CACNA1A: variants seen among roughly 807,000 people sequenced by gnomAD.
CACNA1A encodes the protein calcium voltage-gated channel subunit alpha1 A, also known as voltage-dependent P/Q-type calcium channel subunit alpha-1A.
CACNA1A carries 57 observed loss-of-function variants against 262.4 expected under a neutral mutation model. The ratio of observed to expected loss-of-function variants is 0.22; its 90% confidence interval spans 0.18 to 0.27. The LOEUF (loss-of-function observed/expected upper bound fraction) is 0.27. CACNA1A is among the 10% of genes least tolerant of loss of function. CACNA1A has a pLI of 1.00. For synonymous variants in CACNA1A, 1,431 were observed against 1,419.3 expected, an observed-to-expected ratio of 1.01 and a Z score of -0.18; for missense variants, 2,526 against 3,562.8, an observed-to-expected ratio of 0.71 and a Z score of 7.41.
At chr19:13,311,826 G>C (rs754158241) in intron 12 of CACNA1A, among the ~76,000 whole-genome samples, 3 of 118,972 alleles carry the variant, frequency 2.5e-5, no homozygotes, top group Non-Finnish European at 5.3e-5. Flanking sequence ...GACAGAACGA[G>C]ACTCCATCTC....
At chr19:13,420,650 T>G (rs1164568804) in intron 3 of CACNA1A, among the ~76,000 whole-genome samples, 1 of 152,176 alleles carries the variant, frequency 6.6e-6, no homozygotes, top group Non-Finnish European at 1.5e-5. Context: ...GACACCTTGA[T>G]TTTAGGCTTC....
chr19:13,327,545 T>A (rs1442615698), intron 10 of CACNA1A, among the ~76,000 whole-genome samples: 2 of 150,136 alleles, frequency 1.3e-5, no homozygotes, highest in Non-Finnish European at 3.0e-5. Flanking sequence ...TTAAAAAAAT[T>A]AAAAATATAT....
intron 3 of CACNA1A, among the ~76,000 whole-genome samples, chr19:13,435,886 G>A (rs575615368): frequency 3.3e-5 from 5 of 152,066 alleles, no homozygotes; most frequent in African/African-American, 1.2e-4. Flanking sequence ...GTGCAGTGGC[G>A]CAGACTCAGC....
intron 10 of CACNA1A, among the ~76,000 whole-genome samples, chr19:13,329,410 T>C (rs1343383305): frequency 6.6e-6 from 1 of 152,140 alleles, no homozygotes; most frequent in African/African-American, 2.4e-5. Context: ...ACAGGTTTAT[T>C]TGTGTAATTC....
intron 1 of CACNA1A, among the ~76,000 whole-genome samples, chr19:13,456,388 T>C (rs1156889263): frequency 1.3e-5 from 2 of 152,062 alleles, no homozygotes; most frequent in South Asian, 4.1e-4. Flanking sequence ...AAAGAACATT[T>C]ACGGCCAGGT....
At chr19:13,255,301 G>A (rs2056516664) in intron 28 of CACNA1A, 42 bp from the exon 29 acceptor site, 3 of 1,532,562 alleles carry the variant, frequency 2.0e-6, no homozygotes, top group Non-Finnish European at 2.6e-6. Context: ...AGAGGCAGGA[G>A]GAAGGTGGCT....
chr19:13,244,935 A>G, intron 31 of CACNA1A: 1 of 541,054 alleles, frequency 1.8e-6, no homozygotes. Flanking sequence ...GCCAGGATGC[A>G]GGAAAGCCCA....
rs1014797310 is a variant in CACNA1A at position 13,259,439 on chromosome 19, T to G, written c.4388+125A>C. ...CATCTGCCTTGGCCTCCTAAAGTGT[T>G]GGGATTACAGGCGTGAGCCACCATG... On this transcript the variant is annotated intron_variant, in intron 27 of 46. Transcript: ENST00000360228. The G allele has an allele frequency of 4.1e-5, 32 of 778,190 alleles. No individual in the cohort carries two copies. The Admixed American group carries it at 4.6e-4, about 11-fold the overall frequency. 48.2% of individuals were successfully genotyped at this position (778,190 alleles called of 1,614,324 possible).
At chr19:13,303,171 GC>G (rs1600281904) in intron 17 of CACNA1A, among the ~76,000 whole-genome samples, 1 of 152,032 alleles carries the variant, frequency 6.6e-6, no homozygotes, top group African/African-American at 2.4e-5. Flanking sequence ...TTTTTCCTTG[GC>G]CCCAGCTCTG....
chr19:13,212,218 T>C lies in CACNA1A; in HGVS notation c.6190-2A>G. 1 of 1,613,002 alleles carries C rather than the reference T, an allele frequency of 6.2e-7. No homozygotes were observed. Among genetic ancestry groups the C allele is most frequent in the Non-Finnish European group, 8.5e-7 (1 of 1,179,074 alleles). On this transcript the variant is annotated splice_acceptor_variant, in intron 42 of 46. Coordinates refer to ENST00000360228, the MANE Select transcript of CACNA1A (RefSeq NM_001127222.2). LOFTEE classifies it high-confidence loss of function. This position sits in a 1 kb window ranked among gnomAD's most constrained non-coding sequence, Gnocchi z 5.6. ...GCCCATCTCTCGCATCTCCACGGAC[T>C]GCGGAGCAGATGGCAAAGCCAGATG...
chr19:13,462,899 A>G (rs1262781782), intron 1 of CACNA1A, among the ~76,000 whole-genome samples: 1 of 152,138 alleles, frequency 6.6e-6, no homozygotes, highest in Non-Finnish European at 1.5e-5. Context: ...AGCTGGGACT[A>G]TAGGTGCATG....
intron 37 of CACNA1A, chr19:13,224,977 C>T: frequency 1.9e-6 from 1 of 515,614 alleles, no homozygotes. Context: ...TCTTGTACTT[C>T]TGGTCCCCTG....
intron 3 of CACNA1A, among the ~76,000 whole-genome samples, chr19:13,437,734 C>T (rs1053264219): frequency 3.4e-5 from 5 of 147,516 alleles, no homozygotes; most frequent in Admixed American, 6.8e-5. Context: ...AGAGTTGGGG[C>T]GGGAGGGAGA....
At chr19:13,269,146 G>A in intron 24 of CACNA1A, among the ~76,000 whole-genome samples, 1 of 42,412 alleles carries the variant, frequency 2.4e-5, no homozygotes, top group Non-Finnish European at 3.9e-5. Flanking sequence ...ACAGGTGAGA[G>A]ACACCACACC....
At chr19:13,420,988 T>C (rs575523694) in intron 3 of CACNA1A, among the ~76,000 whole-genome samples, 1 of 152,342 alleles carries the variant, frequency 6.6e-6, no homozygotes, top group Non-Finnish European at 1.5e-5. Flanking sequence ...AGCAGTTTGG[T>C]ATGATCACAT....
At chr19:13,451,310 AAG>A (rs1209079770) in intron 3 of CACNA1A, 4 of 152,376 alleles carry the variant, frequency 2.6e-5, no homozygotes, top group African/African-American at 4.8e-5. Context: ...CACATCCGCC[AAG>A]AGAGACAGAA....
At chr19:13,471,939 T>TA (rs1248849938) in intron 1 of CACNA1A, among the ~76,000 whole-genome samples, 1 of 152,110 alleles carries the variant, frequency 6.6e-6, no homozygotes, top group Non-Finnish European at 1.5e-5. Flanking sequence ...ATGGTTAACT[T>TA]ATGTTGCATG....
intron 1 of CACNA1A, among the ~76,000 whole-genome samples, chr19:13,480,091 A>G (rs1979084479): frequency 6.6e-6 from 1 of 152,236 alleles, no homozygotes; most frequent in African/African-American, 2.4e-5. Context: ...ATACAACTAT[A>G]TTAGCATATT....
rs74489622 is a variant in CACNA1A, at chr19:13,476,984, C to T, written c.294-21772G>A. On this transcript the variant is annotated intron_variant, in intron 1 of 46. Coordinates refer to ENST00000360228, the MANE Select transcript of CACNA1A (RefSeq NM_001127222.2). ...CTCAAAAGCCCTCCGTGGCTCCCAGCTCCCTCAGAGCAAAAGCCAAAGTCC... is the reference window on the plus strand; with the variant it reads ...CTCAAAAGCCCTCCGTGGCTCCCAGTTCCCTCAGAGCAAAAGCCAAAGTCC... Among the ~76,000 whole-genome samples the T allele has an allele frequency of 4.1e-3, 623 of 152,292 alleles. 3 individuals are homozygous for T. Among genetic ancestry groups the T allele is most frequent in the African/African-American group, 0.014 (591 of 41,552 alleles).
Sources: gnomAD v4.1 joint callset for allele counts (sites outside exome capture counted in the v4.1 genomes callset) on GRCh38, gnomAD v4.1.1 for gene constraint, Gnocchi (gnomAD v3.1) non-coding constraint, MANE v1.5 for transcripts, NCBI Gene and HGNC (gene_info 2026-07-23, HGNC 2026-07-21) for gene names.